Variants in CDH20 observed in about 807,000 individuals in gnomAD.
CDH20 encodes cadherin-20.
A neutral mutation model predicts 74.2 loss-of-function variants in CDH20; 29 were observed. That is an observed-to-expected ratio of 0.39 (90% CI 0.29 to 0.53). The LOEUF is 0.53. CDH20 is among the 20% of genes least tolerant of loss of function. The pLI, the probability that CDH20 is intolerant of heterozygous loss-of-function variation, is 0.69. For synonymous variants in CDH20, 469 were observed against 405.4 expected (o/e 1.16, Z -1.88); for missense variants, 988 against 1,048.3 (o/e 0.94, Z 0.79).
chr18:61,505,848 T>A (rs1399824238), intron 5 of CDH20, among the ~76,000 whole-genome samples: 2 of 152,216 alleles, frequency 1.3e-5, no homozygotes, highest in Non-Finnish European at 2.9e-5. Context: ...TTTAAAACTT[T>A]GCATTCTCTC....
intron 6 of CDH20, among the ~76,000 whole-genome samples, chr18:61,517,116 C>A (rs774440115): frequency 1.3e-5 from 2 of 152,126 alleles, no homozygotes; most frequent in Non-Finnish European, 2.9e-5. Flanking sequence ...ATGAATCATG[C>A]ACCTAAATGT....
intron 8 of CDH20, among the ~76,000 whole-genome samples, chr18:61,537,949 T>G (rs967889754): frequency 5.3e-5 from 8 of 152,148 alleles, no homozygotes; most frequent in African/African-American, 1.7e-4. Context: ...TTCTGTTTTG[T>G]CTCCTTGGGG....
intron 1 of CDH20, among the ~76,000 whole-genome samples, chr18:61,462,174 A>G (rs1222820949): frequency 6.6e-6 from 1 of 152,086 alleles, no homozygotes; most frequent in Non-Finnish European, 1.5e-5. Context: ...AAGACAGTAA[A>G]TTTCAAATGT....
chr18:61,454,977 A>G (rs1254660644), intron 1 of CDH20, among the ~76,000 whole-genome samples: 1 of 152,202 alleles, frequency 6.6e-6, no homozygotes, highest in Non-Finnish European at 1.5e-5. Flanking sequence ...ATCTGACTAC[A>G]GGGAAGCCAT....
In CDH20 at chr18:61,347,765, A is replaced by C. The variant is rs181236517; in HGVS notation, c.-153+13938A>C. 7.1e-3 allele frequency among the ~76,000 whole-genome samples: 1,080 copies of C among 152,272 alleles called. 4 individuals carry two copies. Among genetic ancestry groups the C allele is most frequent in the Middle Eastern group, 0.051 (15 of 294 alleles). On this transcript the variant is annotated intron_variant, in intron 1 of 11. Coordinates refer to ENST00000262717, the MANE Select transcript of CDH20 (RefSeq NM_031891.4). ...CTCCTCAGAGGGCCTCCTCTAGGAT[A>C]ATCTAGAGTTTCCTCAATAAAACTA... is the stretch of plus-strand genomic sequence containing the variant.
chr18:61,425,655 G>A (rs1031926353), intron 1 of CDH20, among the ~76,000 whole-genome samples: 4 of 152,160 alleles, frequency 2.6e-5, no homozygotes, highest in Admixed American at 6.5e-5. Context: ...GCTAAGCTAT[G>A]AGGATGAAAA....
intron 6 of CDH20, among the ~76,000 whole-genome samples, chr18:61,512,322 G>A (rs936195100): frequency 6.6e-6 from 1 of 152,098 alleles, no homozygotes; most frequent in African/African-American, 2.4e-5. Flanking sequence ...CTAGTCTTCT[G>A]CATATCTTCC....
intron 1 of CDH20, among the ~76,000 whole-genome samples, chr18:61,410,011 T>C (rs978293372): frequency 6.6e-6 from 1 of 152,232 alleles, no homozygotes; most frequent in African/African-American, 2.4e-5. Flanking sequence ...GAATCTTCTT[T>C]ATGATTTTTA....
chr18:61,478,934 C>A (rs1054663977), intron 1 of CDH20, among the ~76,000 whole-genome samples: 1 of 151,702 alleles, frequency 6.6e-6, no homozygotes, highest in African/African-American at 2.4e-5. Flanking sequence ...TTGAAAGACA[C>A]CATAAATATA....
intron 1 of CDH20, among the ~76,000 whole-genome samples, chr18:61,429,251 C>T (rs558414043): frequency 1.3e-5 from 2 of 152,096 alleles, no homozygotes; most frequent in Non-Finnish European, 2.9e-5. Context: ...TGTCTTTAGA[C>T]TTTTGTTTCT....
rs74830904 is a variant in CDH20, at chr18:61,476,606, T to G, written c.-152-13796T>G. ...TGATAAAGGACCACTGGATGAAATC[T>G]CCCTTCCCTCATTACAGGAGAATAC... is the stretch of plus-strand genomic sequence containing the variant. On this transcript the variant is annotated intron_variant, in intron 1 of 11. Coordinates refer to ENST00000262717, the MANE Select transcript of CDH20 (RefSeq NM_031891.4). Among the ~76,000 whole-genome samples the G allele has an allele frequency of 9.9e-3, 1,503 of 152,258 alleles. 22 individuals are homozygous for G. Among genetic ancestry groups the G allele is most frequent in the African/African-American group, 0.033 (1,374 of 41,544 alleles).
intron 1 of CDH20, among the ~76,000 whole-genome samples, chr18:61,363,416 A>G (rs1179045951): frequency 1.3e-5 from 2 of 152,182 alleles, no homozygotes; most frequent in African/African-American, 4.8e-5. Flanking sequence ...CATCCTTTCT[A>G]TTATAGCTAA....
At chr18:61,376,542 T>A (rs967148173) in intron 1 of CDH20, among the ~76,000 whole-genome samples, 6 of 152,164 alleles carry the variant, frequency 3.9e-5, no homozygotes, top group Non-Finnish European at 8.8e-5. Flanking sequence ...ATTGGACTTA[T>A]CATTAGTTAT....
At chr18:61,437,364 A>T (rs374198863) in intron 1 of CDH20, among the ~76,000 whole-genome samples, 7 of 152,314 alleles carry the variant, frequency 4.6e-5, no homozygotes, top group East Asian at 3.9e-4. Context: ...CCATCAGGCC[A>T]TTTATGGCCC....
Position 61,497,897 on chromosome 18 carries a change from G to A in CDH20, c.247-1289G>A, listed in dbSNP as rs73453538. 9.8e-3 allele frequency among the ~76,000 whole-genome samples: 1,487 copies of A among 152,160 alleles called. 25 individuals are homozygous for A. Among genetic ancestry groups the A allele is most frequent in the African/African-American group, 0.033 (1,379 of 41,512 alleles). ...ACTATGCAAAGTGCTAACAACCCAG[G>A]CAACAATGGAGTGGCTGACTAAATT... On this transcript the variant is annotated intron_variant, in intron 2 of 11. Transcript: ENST00000262717.
chr18:61,428,120 C>G (rs79355794), intron 1 of CDH20, among the ~76,000 whole-genome samples: 4 of 152,194 alleles, frequency 2.6e-5, no homozygotes, highest in African/African-American at 4.8e-5. Context: ...AAGAGACACT[C>G]TTTTCTCCCT....
At position 61,499,329 on chromosome 18, in the gene CDH20, T is replaced by C. The variant is rs1303173957; in HGVS notation, c.390T>C (p.Tyr130=). 6.2e-7 allele frequency: 1 copy of C among 1,614,008 alleles called. No individual in the cohort carries two copies. The highest frequency in any genetic ancestry group is 8.5e-7 in the Non-Finnish European group (1 of 1,179,954). ...TCGACCGAGAGGAAAGAGCCCAGTA[T>C]ACTCTAAGGGCTCAAGCCCTAGACA... ...QRLDREERAQ[Y]TLRAQALDRR... is the part of the protein sequence containing the mutation. Residue 130 remains tyrosine, a synonymous_variant, in exon 3 of 12, where the codon TAT becomes TAC. Transcript: ENST00000262717.
rs1910048833 is a variant in CDH20 at position 61,344,358 on chromosome 18, G to A, written c.-153+10531G>A. 2.6e-5 allele frequency among the ~76,000 whole-genome samples: 4 copies of A among 152,102 alleles called. No homozygotes were observed. The South Asian group carries it at 8.3e-4, about 32-fold the overall frequency. ...AAGTCACAGAGAAGATAAATATGTT[G>A]CCCAAGATCACATAACTAGTTATTC... On this transcript the variant is annotated intron_variant, in intron 1 of 11. Transcript: ENST00000262717.
At chr18:61,524,346 G>T (rs553948896) in intron 6 of CDH20, among the ~76,000 whole-genome samples, 1 of 152,234 alleles carries the variant, frequency 6.6e-6, no homozygotes, top group East Asian at 1.9e-4. Context: ...TATACTCCTG[G>T]TGGGAATACA....
Sources: allele counts gnomAD v4.1 joint callset (sites outside exome capture counted in the v4.1 genomes callset), GRCh38; gene constraint gnomAD v4.1.1; transcripts MANE v1.5; gene names NCBI Gene and HGNC (gene_info 2026-07-23, HGNC 2026-07-21).